Variants in UROS observed in about 807,000 individuals in gnomAD.
UROS encodes uroporphyrinogen III synthase.
UROS carries 18 observed loss-of-function variants against 33.0 expected under a neutral mutation model. The observed-to-expected ratio is 0.55, with a 90% CI of 0.38 to 0.81. The LOEUF (loss-of-function observed/expected upper bound fraction) is 0.81, where lower values mean the gene tolerates loss of function less well. Among genes scored for constraint, UROS ranks in the 30% least tolerant of loss-of-function variants. UROS has a pLI of 0.00. For missense variants in UROS, 293 were observed against 314.9 expected (o/e 0.93, Z 0.53); for synonymous variants, 114 against 121.1 (o/e 0.94, Z 0.38).
At position 125,812,285 on chromosome 10, in the gene UROS, C is replaced by G. The variant is rs866063640; in HGVS notation, c.248G>C (p.Trp83Ser). The G allele has an allele frequency of 3.1e-6, 5 of 1,613,656 alleles. 1 individual carries two copies. The highest frequency in any genetic ancestry group is 3.3e-4 in the Middle Eastern group (2 of 6,060). The change falls in exon 5 of 10, where the codon TGG becomes TCG. Residue 83 changes from tryptophan (W) to serine (S), a missense_variant. Coordinates refer to ENST00000368797, the MANE Select transcript of UROS (RefSeq NM_000375.3). ...CLEQNNKTEVWERSLKEKWNA... is the reference protein window; with the variant it reads ...CLEQNNKTEVSERSLKEKWNA... ...CCATTTTTCTTTCAGAGACCTTTCCCAGACTGTAAAACATGAAATGATATG... is the reference window on the plus strand; with the variant it reads ...CCATTTTTCTTTCAGAGACCTTTCCGAGACTGTAAAACATGAAATGATATG...
chr10:125,793,328 A>G (rs1051250788), intron 9 of UROS: 4 of 64,366 alleles, frequency 6.2e-5, no homozygotes, highest in African/African-American at 1.2e-4. Flanking sequence ...ATCTCACAGC[A>G]TTGTGTGACT....
intron 4 of UROS, among the ~76,000 whole-genome samples, chr10:125,813,027 T>C (rs12413896): frequency 3.5e-4 from 53 of 152,204 alleles, no homozygotes; most frequent in African/African-American, 1.3e-3. Context: ...CCCTTTACAT[T>C]AAGGGAAATT....
chr10:125,814,460 T>C (rs1397802832), intron 4 of UROS, among the ~76,000 whole-genome samples: 8 of 152,358 alleles, frequency 5.3e-5, no homozygotes, highest in African/African-American at 1.9e-4. Context: ...TGGATTGTTA[T>C]CTAGGGTTAA....
At chr10:125,802,972 G>C in intron 6 of UROS, 1 of 1,612,864 alleles carries the variant, frequency 6.2e-7, no homozygotes, top group South Asian at 1.1e-5. Context: ...TCAGCATAAG[G>C]GCACGTCCAA....
chr10:125,816,267 T>G lies in UROS; in HGVS notation c.64-7A>C. ...GTCCATATAATCCTAATTCCTGAAA[T>G]GAAAGAATATAGTTCTGGATTGGCT... On this transcript the variant is annotated splice_polypyrimidine_tract_variant and splice_region_variant and intron_variant, in intron 2 of 9. Coordinates refer to ENST00000368797, the MANE Select transcript of UROS (RefSeq NM_000375.3). 6.2e-7 allele frequency: 1 copy of G among 1,613,600 alleles called. No individual in the cohort carries two copies. Among genetic ancestry groups the G allele is most frequent in the Non-Finnish European group, 8.5e-7 (1 of 1,179,554 alleles).
At chr10:125,789,771 A>C (rs1027906752) in intron 9 of UROS, among the ~76,000 whole-genome samples, 5 of 152,170 alleles carry the variant, frequency 3.3e-5, no homozygotes, top group African/African-American at 4.8e-5. Flanking sequence ...CCTGGGATGG[A>C]GCACTGCTTC....
intron 9 of UROS, among the ~76,000 whole-genome samples, chr10:125,790,025 G>C (rs10794021): frequency 0.43 from 65,188 of 152,034 alleles, 14,201 homozygotes; most frequent in Non-Finnish European, 0.47. Flanking sequence ...CTCCCTCCCA[G>C]CAAGTGAGCA....
intron 1 of UROS, among the ~76,000 whole-genome samples, chr10:125,817,442 T>C (rs1236746067): frequency 6.6e-6 from 1 of 151,336 alleles, no homozygotes; most frequent in East Asian, 2.0e-4. Flanking sequence ...AAGGTGATAA[T>C]ATAAGGAAGG....
intron 9 of UROS, among the ~76,000 whole-genome samples, chr10:125,790,783 C>A (rs866073364): frequency 2.0e-4 from 25 of 122,556 alleles, no homozygotes; most frequent in East Asian, 5.1e-4. Context: ...AACTCCATCT[C>A]AAAAAAAAAA....
At chr10:125,818,224 G>C (rs1853528184) in intron 1 of UROS, among the ~76,000 whole-genome samples, 1 of 152,164 alleles carries the variant, frequency 6.6e-6, no homozygotes, top group Non-Finnish European at 1.5e-5. Context: ...GTTCATGCCT[G>C]GTAATCTCAG....
At chr10:125,804,764 A>T (rs1852169910) in intron 6 of UROS, among the ~76,000 whole-genome samples, 1 of 152,234 alleles carries the variant, frequency 6.6e-6, no homozygotes, top group South Asian at 2.1e-4. Flanking sequence ...CAGGTATCTT[A>T]ATAGCAGGCC....
chr10:125,818,465 CCTGG>C (rs1338792852), intron 1 of UROS, among the ~76,000 whole-genome samples: 1 of 151,478 alleles, frequency 6.6e-6, no homozygotes, highest in Non-Finnish European at 1.5e-5. Context: ...TGCACTCCAG[CCTGG>C]GTGACAGAGA....
intron 9 of UROS, 152 bp from the exon 10 acceptor site, chr10:125,789,157 T>C: frequency 7.0e-7 from 1 of 1,421,334 alleles, no homozygotes; most frequent in South Asian, 1.3e-5. Flanking sequence ...ACTGCCCGAT[T>C]CTAGCCCAGC....
Position 125,798,257 on chromosome 10 carries a change from C to G in UROS, c.395-112G>C, listed in dbSNP as rs1467968781. 2.7e-6 allele frequency: 3 copies of G among 1,091,444 alleles called. No individual in the cohort carries two copies. In the East Asian group the frequency reaches 7.5e-5, roughly 27 times the overall value. The allele number at this position is 1,091,444 out of a possible 1,614,324, so 67.6% of individuals were successfully genotyped here. A position where few individuals can be genotyped will look rare whatever the true frequency, so the allele number is the denominator to read the frequency against. ...AAGCAGCCCTGGGCTCCAGGCCTGG[C>G]TCTGCTTCTAGGACTCAGTTTCAGC... is the stretch of plus-strand genomic sequence containing the variant. On this transcript the variant is annotated intron_variant, in intron 6 of 9. Transcript: ENST00000368797.
At chr10:125,819,139 C>T (rs929781834) in intron 1 of UROS, among the ~76,000 whole-genome samples, 4 of 152,160 alleles carry the variant, frequency 2.6e-5, no homozygotes, top group Non-Finnish European at 4.4e-5. Context: ...CATGCGCCAC[C>T]ATGCCCAGCT....
chr10:125,816,581 A>T, intron 1 of UROS, 56 bp from the exon 2 acceptor site: 1 of 1,551,156 alleles, frequency 6.4e-7, no homozygotes, highest in South Asian at 1.1e-5. Flanking sequence ...CTTCCTAAGC[A>T]ATTTCCGATG....
intron 8 of UROS, among the ~76,000 whole-genome samples, chr10:125,795,551 A>G (rs561266721): frequency 2.8e-4 from 43 of 152,264 alleles, no homozygotes; most frequent in African/African-American, 1.0e-3. Flanking sequence ...TGAGTCCTCC[A>G]ACAGTCCCCA....
chr10:125,811,523 ACTGGTTTCTTCCCCAGC>A (rs975681914), intron 5 of UROS, among the ~76,000 whole-genome samples: 3 of 152,164 alleles, frequency 2.0e-5, no homozygotes, highest in Non-Finnish European at 4.4e-5. Flanking sequence ...GCAACTCCCA[ACTGGTTTCTTCCCCAGC>A]CTCATTTTGT....
At chr10:125,810,683 C>T (rs924375950) in intron 5 of UROS, among the ~76,000 whole-genome samples, 1 of 152,188 alleles carries the variant, frequency 6.6e-6, no homozygotes, top group East Asian at 1.9e-4. Flanking sequence ...TCTGATAACT[C>T]TCCAGGCTCC....
Sources: allele counts gnomAD v4.1 joint callset (sites outside exome capture counted in the v4.1 genomes callset), GRCh38; gene constraint gnomAD v4.1.1; transcripts MANE v1.5; gene names NCBI Gene and HGNC (gene_info 2026-07-23, HGNC 2026-07-21).